The following MYO5A variants were observed in gnomAD, a reference collection of about 807,000 sequenced individuals.
MYO5A encodes unconventional myosin-Va.
In MYO5A, 98 loss-of-function variants were observed where a neutral mutation model predicts 249.7. That is an observed-to-expected ratio of 0.39 (90% CI 0.33 to 0.46). The LOEUF is 0.46. Among genes scored for constraint, MYO5A ranks in the 20% least tolerant of loss-of-function variants. The probability of loss-of-function intolerance (pLI) is 0.98; values close to 1 mark genes in which losing one functional copy is unlikely to be tolerated. For synonymous variants in MYO5A, 778 were observed against 810.6 expected, an observed-to-expected ratio of 0.96 and a Z score of 0.68; for missense variants, 1,696 against 2,308.8, an observed-to-expected ratio of 0.73 and a Z score of 5.44.
At chr15:52,370,470 A>G in intron 21 of MYO5A, 53 bp from the exon 22 acceptor site, 1 of 1,540,926 alleles carries the variant, frequency 6.5e-7, no homozygotes, top group Non-Finnish European at 9.0e-7. Context: ...CATCAAATGT[A>G]TTTAGTAAGA....
At position 52,513,591 on chromosome 15, in the gene MYO5A, A is replaced by AT. The variant is rs891644766; in HGVS notation, c.27+15188dup. Among the ~76,000 whole-genome samples, 1,254 of 145,384 alleles carry AT rather than the reference A, an allele frequency of 8.6e-3. 16 individuals are homozygous for AT. Among genetic ancestry groups the AT allele is most frequent in the African/African-American group, 0.029 (1,156 of 40,084 alleles). Reference sequence around the variant, plus strand: ...AGGCATGTGCCACCACGTCCAGCTAATTTTTTTTTTTTAATTTTTAGTAGA... The same window carrying AT: ...AGGCATGTGCCACCACGTCCAGCTAATTTTTTTTTTTTTAATTTTTAGTAGA... On this transcript the variant is annotated intron_variant, in intron 1 of 41. Transcript: ENST00000399233.
At chr15:52,384,433 C>A in intron 14 of MYO5A, 111 bp from the exon 15 acceptor site, 1 of 1,098,408 alleles carries the variant, frequency 9.1e-7, no homozygotes, top group South Asian at 1.3e-5. Flanking sequence ...CTGTCAGAGT[C>A]ACACTCCAGA....
intron 10 of MYO5A, 92 bp downstream of exon 10, chr15:52,397,109 G>A (rs1004873860): frequency 1.5e-5 from 22 of 1,448,412 alleles, no homozygotes; most frequent in Non-Finnish European, 2.0e-5. Flanking sequence ...CTCTTTACCA[G>A]TAGGAAACAG....
chr15:52,438,891 C>A (rs1250486174), intron 1 of MYO5A, among the ~76,000 whole-genome samples: 13 of 152,352 alleles, frequency 8.5e-5, no homozygotes, highest in African/African-American at 3.1e-4. Flanking sequence ...CTGTTACAGA[C>A]CTGTGGCTGA....
At chr15:52,475,170 T>G (rs1456995597) in intron 1 of MYO5A, among the ~76,000 whole-genome samples, 2 of 152,242 alleles carry the variant, frequency 1.3e-5, no homozygotes, top group East Asian at 3.8e-4. Flanking sequence ...CTAGTTTACT[T>G]GTGTAGAGGT....
intron 22 of MYO5A, among the ~76,000 whole-genome samples, chr15:52,369,187 T>A (rs1251101600): frequency 2.0e-5 from 3 of 152,158 alleles, no homozygotes; most frequent in Non-Finnish European, 2.9e-5. Context: ...AGCCACCCTA[T>A]CCTAACCGAC....
At chr15:52,351,183 T>C (rs2039931842) in intron 28 of MYO5A, 71 bp downstream of exon 28, 1 of 1,170,814 alleles carries the variant, frequency 8.5e-7, no homozygotes, top group South Asian at 1.3e-5. Flanking sequence ...CATTATAAAC[T>C]GGAGGGAAGG....
At chr15:52,513,196 C>T (rs910021071) in intron 1 of MYO5A, among the ~76,000 whole-genome samples, 2 of 151,686 alleles carry the variant, frequency 1.3e-5, no homozygotes, top group African/African-American at 2.4e-5. Flanking sequence ...TTTGGGAGGC[C>T]GAGATGGGCT....
intron 16 of MYO5A, among the ~76,000 whole-genome samples, chr15:52,381,053 A>G (rs12910858): frequency 0.94 from 143,643 of 152,284 alleles, 68,319 homozygotes; most frequent in East Asian, 1. Context: ...TAGGCAAATG[A>G]CATCTTCAAG....
intron 1 of MYO5A, among the ~76,000 whole-genome samples, chr15:52,493,501 A>C (rs2141548193): frequency 6.6e-6 from 1 of 152,200 alleles, no homozygotes; most frequent in African/African-American, 2.4e-5. Flanking sequence ...CGTTCTACTA[A>C]AAATACAAAA....
At chr15:52,389,404 T>A in intron 12 of MYO5A, 41 bp from the exon 13 acceptor site, 2 of 1,587,278 alleles carry the variant, frequency 1.3e-6, no homozygotes, top group Middle Eastern at 1.7e-4. Context: ...ACAAGGTAAA[T>A]ACTGTGATTC....
At chr15:52,364,762 A>G in intron 23 of MYO5A, 60 bp from the exon 24 acceptor site, 3 of 1,580,116 alleles carry the variant, frequency 1.9e-6, no homozygotes, top group Non-Finnish European at 2.6e-6. Context: ...CAATTGTGTA[A>G]ACATGTATAC....
chr15:52,447,226 G>A (rs1228071377), intron 1 of MYO5A, among the ~76,000 whole-genome samples: 1 of 152,114 alleles, frequency 6.6e-6, no homozygotes, highest in Non-Finnish European at 1.5e-5. Context: ...GCTTGGTGCT[G>A]TCTTCGTGAT....
chr15:52,320,200 G>C (rs1294696947), intron 38 of MYO5A, among the ~76,000 whole-genome samples: 2 of 152,150 alleles, frequency 1.3e-5, no homozygotes. Flanking sequence ...TCCCTGTTGT[G>C]CTCTCTTAGC....
chr15:52,336,472 C>T lies in MYO5A; in HGVS notation c.4399G>A (p.Glu1467Lys), dbSNP rs973284252. The T allele has an allele frequency of 5.6e-6, 9 of 1,598,542 alleles. No individual in the cohort carries two copies. Among genetic ancestry groups the T allele is most frequent in the South Asian group, 4.5e-5 (4 of 89,552 alleles). Residue 1467 changes from glutamate to lysine, a missense_variant, in exon 34 of 42, where the codon GAA (glutamate) becomes AAA (lysine). This residue lies in a region of MYO5A where 625 missense variants were observed against 908.1 expected (regional missense o/e 0.69). Transcript: ENST00000399233. Reference sequence around the variant, plus strand: ...AAAAAGGTTTAAATACCTTCTAGTTCGCCAATTTTTTTGGCAAATACTTTC... The same window carrying T: ...AAAAAGGTTTAAATACCTTCTAGTTTGCCAATTTTTTTGGCAAATACTTTC... ...QLKVFAKKIGELEVGQMENIS... is the reference protein window; with the variant it reads ...QLKVFAKKIGKLEVGQMENIS...
Position 52,383,446 on chromosome 15 carries a change from AG to A in MYO5A, c.1915-259del, listed in dbSNP as rs371221134. ...ACTCCCACTCCTTTTCCCCACAGGAAGCTACAGAAACCTGTTATGAGCTTAG... is the reference window on the plus strand; with the variant it reads ...ACTCCCACTCCTTTTCCCCACAGGAACTACAGAAACCTGTTATGAGCTTAG... On this transcript the variant is annotated intron_variant, in intron 15 of 41. Coordinates refer to ENST00000399233, the MANE Select transcript of MYO5A (RefSeq NM_001382347.1). Among the ~76,000 whole-genome samples the A allele has an allele frequency of 4.3e-4, 66 of 152,348 alleles. 1 individual carries two copies. The East Asian group carries it at 9.0e-3, about 21-fold the overall frequency.
chr15:52,511,402 T>G (rs1004826145), intron 1 of MYO5A, among the ~76,000 whole-genome samples: 7 of 152,250 alleles, frequency 4.6e-5, no homozygotes, highest in African/African-American at 1.7e-4. Context: ...CCTGATTCAG[T>G]ACATGTGTTT....
rs770801059 is a variant in MYO5A at position 52,327,835 on chromosome 15, G to T, written c.4710+17C>A. 4.4e-6 allele frequency: 7 copies of T among 1,606,828 alleles called. No homozygotes were observed. Among genetic ancestry groups the T allele is most frequent in the East Asian group, 2.2e-5 (1 of 44,832 alleles). ...ATTAACAATTCATGATGAGAATTTT[G>T]TTGAACAGGAACTGACCTTCAATAC... On this transcript the variant is annotated intron_variant, in intron 36 of 41. Transcript: ENST00000399233.
rs528374443 is a variant in MYO5A, at chr15:52,317,026, G to A, written c.5409+22C>T. 1.5e-4 allele frequency: 244 copies of A among 1,605,154 alleles called. 5 individuals are homozygous for A. In the South Asian group the frequency reaches 2.6e-3, roughly 17 times the overall value. ...TCTTTGATGAATGTTAAATTATTTT[G>A]TAACAGGGAAAGTTGCTCTACCTGG... On this transcript the variant is annotated intron_variant, in intron 40 of 41. Transcript: ENST00000399233.
Sources: gnomAD v4.1 joint callset for allele counts (sites outside exome capture counted in the v4.1 genomes callset) on GRCh38, gnomAD v4.1.1 for gene constraint, gnomAD v4.1.1 regional missense constraint, MANE v1.5 for transcripts, NCBI Gene and HGNC (gene_info 2026-07-23, HGNC 2026-07-21) for gene names.